Variants in GFRA1 observed in about 807,000 individuals in gnomAD.
GFRA1 encodes GDNF family receptor alpha-1.
GFRA1 carries 16 observed loss-of-function variants against 51.6 expected under a neutral mutation model. The ratio of observed to expected loss-of-function variants is 0.31; its 90% CI spans 0.21 to 0.47. GFRA1 has a LOEUF of 0.47. GFRA1 is among the 20% of genes least tolerant of loss of function. The pLI, the probability that GFRA1 is intolerant of heterozygous loss-of-function variation, is 1.00. For synonymous variants in GFRA1, 270 were observed against 241.3 expected (o/e 1.12, Z -1.10); for missense variants, 530 against 594.3 (o/e 0.89, Z 1.13).
chr10:116,075,428 T>A (rs1955575744), intron 9 of GFRA1, among the ~76,000 whole-genome samples: 1 of 152,310 alleles, frequency 6.6e-6, no homozygotes, highest in East Asian at 1.9e-4. Flanking sequence ...TAAATGTTAC[T>A]GTCCTGGAGG....
intron 5 of GFRA1, among the ~76,000 whole-genome samples, chr10:116,162,939 T>A (rs868545902): frequency 6.6e-6 from 1 of 152,172 alleles, no homozygotes; most frequent in Non-Finnish European, 1.5e-5. Context: ...TATACCTGCA[T>A]GCAGAACAGG....
intron 5 of GFRA1, among the ~76,000 whole-genome samples, chr10:116,209,699 G>A (rs1370323818): frequency 1.3e-5 from 2 of 152,014 alleles, no homozygotes; most frequent in Non-Finnish European, 2.9e-5. Context: ...AAGACCTTGT[G>A]GAGATCACGG....
intron 5 of GFRA1, among the ~76,000 whole-genome samples, chr10:116,206,807 T>C (rs534279094): frequency 3.3e-5 from 5 of 151,492 alleles, no homozygotes; most frequent in African/African-American, 4.8e-5. Flanking sequence ...TAATTTTTTG[T>C]ATTTTTAGTA....
chr10:116,231,039 G>C (rs917403111), intron 4 of GFRA1, among the ~76,000 whole-genome samples: 1 of 152,170 alleles, frequency 6.6e-6, no homozygotes, highest in Non-Finnish European at 1.5e-5. Context: ...GTTAAGGAAA[G>C]TTGAGACTTT....
intron 5 of GFRA1, among the ~76,000 whole-genome samples, chr10:116,147,172 T>C (rs140020717): frequency 0.012 from 1,783 of 152,104 alleles, 12 homozygotes; most frequent in Non-Finnish European, 0.019. Flanking sequence ...CATTAAGAGG[T>C]AGAGATAGAA....
At chr10:116,092,083 A>G (rs1014170221) in intron 8 of GFRA1, among the ~76,000 whole-genome samples, 3 of 136,684 alleles carry the variant, frequency 2.2e-5, no homozygotes, top group African/African-American at 8.4e-5. Context: ...AAGAGGAAAT[A>G]TACATACATA....
chr10:116,065,759 T>A, intron 9 of GFRA1, 133 bp from the exon 10 acceptor site: 1 of 690,892 alleles, frequency 1.4e-6, no homozygotes, highest in East Asian at 2.7e-5. Flanking sequence ...CATATATAAT[T>A]GAACATTTTC....
At chr10:116,121,669 G>T (rs1301908783) in intron 6 of GFRA1, among the ~76,000 whole-genome samples, 1 of 152,206 alleles carries the variant, frequency 6.6e-6, no homozygotes, top group Non-Finnish European at 1.5e-5. Context: ...AGATGGAAAT[G>T]GAGCATTTGA....
intron 5 of GFRA1, among the ~76,000 whole-genome samples, chr10:116,146,572 G>T (rs554810349): frequency 1.2e-4 from 18 of 152,374 alleles, no homozygotes; most frequent in African/African-American, 4.3e-4. Flanking sequence ...TGGTGAGTCA[G>T]CACCATAGAC....
At chr10:116,269,648 C>T in intron 3 of GFRA1, 62 bp from the exon 4 acceptor site, 1 of 948,296 alleles carries the variant, frequency 1.1e-6, no homozygotes, top group Non-Finnish European at 1.7e-6. Context: ...CAGGTTTTTG[C>T]TGCTGAATCT....
chr10:116,227,131 G>A (rs1425308617), intron 4 of GFRA1, among the ~76,000 whole-genome samples: 1 of 152,220 alleles, frequency 6.6e-6, no homozygotes, highest in Non-Finnish European at 1.5e-5. Flanking sequence ...TAGGACAGCA[G>A]CAAGCTCTAA....
At chr10:116,252,721 C>T (rs1289621557) in intron 4 of GFRA1, among the ~76,000 whole-genome samples, 1 of 152,180 alleles carries the variant, frequency 6.6e-6, no homozygotes, top group African/African-American at 2.4e-5. Flanking sequence ...AACAGATTCT[C>T]GTCTTTAACT....
intron 9 of GFRA1, 69 bp from the exon 10 acceptor site, chr10:116,065,695 C>A: frequency 2.4e-6 from 3 of 1,235,738 alleles, no homozygotes; most frequent in South Asian, 1.2e-5. Context: ...ATCCATCAGT[C>A]AGCTGTCTAG....
chr10:116,106,609 T>C (rs1170076625), intron 6 of GFRA1, among the ~76,000 whole-genome samples: 1 of 152,072 alleles, frequency 6.6e-6, no homozygotes, highest in Non-Finnish European at 1.5e-5. Context: ...ATCTGATCTT[T>C]TACAAGTGTG....
intron 5 of GFRA1, among the ~76,000 whole-genome samples, chr10:116,131,532 A>C (rs1958102160): frequency 6.6e-6 from 1 of 152,178 alleles, no homozygotes; most frequent in South Asian, 2.1e-4. Flanking sequence ...ATGGCTCAAC[A>C]AACTGTGATC....
intron 5 of GFRA1, among the ~76,000 whole-genome samples, chr10:116,141,413 T>C (rs1343851952): frequency 2.0e-5 from 3 of 152,212 alleles, no homozygotes; most frequent in Non-Finnish European, 4.4e-5. Context: ...CAGGTCTTAG[T>C]TGCGAGCTTT....
rs1011546226 is a variant in GFRA1, at chr10:116,061,943, C to T, written c.*2455G>A. 3 of 398,528 alleles carry T rather than the reference C, an allele frequency of 7.5e-6. No individual in the cohort carries two copies. The highest frequency in any genetic ancestry group is 8.8e-5 in the Admixed American group (2 of 22,724). 24.7% of individuals were successfully genotyped at this position (398,528 alleles called of 1,614,324 possible). On this transcript the variant is annotated 3_prime_UTR_variant, in exon 11 of 11. Transcript: ENST00000355422. ...GTGTTGTCCCTGAACAAGATGCTTC[C>T]CCCTATTTATTTAATCAGCAACTGA... is the stretch of plus-strand genomic sequence containing the variant.
chr10:116,107,097 G>A (rs760374388), intron 6 of GFRA1, among the ~76,000 whole-genome samples: 2 of 152,136 alleles, frequency 1.3e-5, no homozygotes, highest in Non-Finnish European at 2.9e-5. Context: ...AAATTACCCA[G>A]CCTCAGGTTA....
chr10:116,204,316 T>A, intron 5 of GFRA1, among the ~76,000 whole-genome samples: 1 of 152,344 alleles, frequency 6.6e-6, no homozygotes, highest in South Asian at 2.1e-4. Context: ...ATACACCTGG[T>A]TATATATATA....
Sources: allele counts gnomAD v4.1 joint callset (sites outside exome capture counted in the v4.1 genomes callset), GRCh38; gene constraint gnomAD v4.1.1; transcripts MANE v1.5; gene names NCBI Gene and HGNC (gene_info 2026-07-23, HGNC 2026-07-21).